Variants in DCBLD2 observed in about 807,000 individuals in gnomAD.
DCBLD2 encodes the protein discoidin, CUB and LCCL domain containing 2, also known as discoidin, CUB and LCCL domain-containing protein 2.
A neutral mutation model predicts 86.8 loss-of-function variants in DCBLD2; 54 were observed. That is an observed-to-expected ratio of 0.62 (90% CI 0.50 to 0.78). DCBLD2 has a LOEUF of 0.78. DCBLD2 is among the 30% of genes least tolerant of loss of function. DCBLD2 has a pLI of 0.00. For missense variants in DCBLD2, 908 were observed against 954.2 expected (o/e 0.95, Z 0.64); for synonymous variants, 354 against 341.3 (o/e 1.04, Z -0.41).
At chr3:98,800,448 T>C (rs1408841740) in intron 15 of DCBLD2, 131 bp downstream of exon 15, 3 of 1,024,754 alleles carry the variant, frequency 2.9e-6, no homozygotes, top group East Asian at 2.5e-5. Flanking sequence ...AAAAAAGTGG[T>C]TCTACCTTTA....
chr3:98,851,229 T>C (rs1021476126), intron 2 of DCBLD2, among the ~76,000 whole-genome samples: 2 of 152,182 alleles, frequency 1.3e-5, no homozygotes, highest in Non-Finnish European at 2.9e-5. Context: ...CTTAAGCTGA[T>C]AGACAACTTC....
At chr3:98,885,954 T>C (rs1943554791) in intron 1 of DCBLD2, among the ~76,000 whole-genome samples, 1 of 151,286 alleles carries the variant, frequency 6.6e-6, no homozygotes, top group Non-Finnish European at 1.5e-5. Flanking sequence ...GCACAGGAGG[T>C]CCCTCAGAAC....
At chr3:98,854,410 T>A (rs1942896449) in intron 2 of DCBLD2, among the ~76,000 whole-genome samples, 1 of 152,160 alleles carries the variant, frequency 6.6e-6, no homozygotes, top group Non-Finnish European at 1.5e-5. Flanking sequence ...CCCATAATCA[T>A]TTCTCTTATA....
At chr3:98,844,524 G>A (rs969076285) in intron 3 of DCBLD2, among the ~76,000 whole-genome samples, 1 of 151,928 alleles carries the variant, frequency 6.6e-6, no homozygotes, top group African/African-American at 2.4e-5. Flanking sequence ...ACCACGCCCG[G>A]CTAATTTTTT....
intron 3 of DCBLD2, among the ~76,000 whole-genome samples, chr3:98,835,921 T>TTTTC (rs1942433066): frequency 1.2e-5 from 1 of 84,520 alleles, no homozygotes; most frequent in Non-Finnish European, 2.3e-5. Flanking sequence ...TTTCTTTCTT[T>TTTTC]CTTCCTTCCT....
intron 1 of DCBLD2, among the ~76,000 whole-genome samples, chr3:98,886,808 C>CCG (rs1414468381): frequency 2.4e-5 from 3 of 125,274 alleles, no homozygotes; most frequent in African/African-American, 3.0e-5. Context: ...AAACCCCCCC[C>CCG]CTTTTTTTTT....
intron 13 of DCBLD2, among the ~76,000 whole-genome samples, chr3:98,802,491 C>A (rs141268605): frequency 1.3e-3 from 203 of 152,116 alleles, no homozygotes; most frequent in African/African-American, 4.7e-3. Flanking sequence ...AAATTTTCTC[C>A]CATTCTGTAG....
At chr3:98,838,573 A>G (rs1368263001) in intron 3 of DCBLD2, among the ~76,000 whole-genome samples, 3 of 147,134 alleles carry the variant, frequency 2.0e-5, no homozygotes, top group Admixed American at 1.3e-4. Context: ...CTGGGCAGCC[A>G]GGCAGAGGGG....
intron 2 of DCBLD2, among the ~76,000 whole-genome samples, chr3:98,862,007 T>G (rs1943053317): frequency 6.7e-6 from 1 of 149,896 alleles, no homozygotes; most frequent in Admixed American, 6.7e-5. Context: ...GAGAGAAGAA[T>G]CAAATAGACG....
chr3:98,801,297 C>T (rs1272558263), intron 14 of DCBLD2: 2 of 350,662 alleles, frequency 5.7e-6, no homozygotes, highest in Non-Finnish European at 1.0e-5. Context: ...TCAGTGTTCA[C>T]GTGGGCCACA....
intron 2 of DCBLD2, among the ~76,000 whole-genome samples, chr3:98,853,199 C>T (rs1446564459): frequency 2.6e-5 from 4 of 152,308 alleles, no homozygotes; most frequent in East Asian, 1.9e-4. Flanking sequence ...AATTAGCCCA[C>T]AGGCCTCTTG....
chr3:98,896,471 ATTT>A (rs918886085), intron 1 of DCBLD2, among the ~76,000 whole-genome samples: 17 of 152,186 alleles, frequency 1.1e-4, no homozygotes, highest in Non-Finnish European at 1.9e-4. Flanking sequence ...GCATTTTGAA[ATTT>A]TTGTTTTACT....
At chr3:98,893,947 T>A (rs1306840000) in intron 1 of DCBLD2, among the ~76,000 whole-genome samples, 1 of 152,200 alleles carries the variant, frequency 6.6e-6, no homozygotes, top group Admixed American at 6.5e-5. Context: ...CCAGACCTCA[T>A]TTGTGGCAGA....
intron 2 of DCBLD2, among the ~76,000 whole-genome samples, chr3:98,870,183 G>T (rs1943233508): frequency 6.6e-6 from 1 of 152,154 alleles, no homozygotes; most frequent in Non-Finnish European, 1.5e-5. Flanking sequence ...CAGCACCACT[G>T]AATGAATAGG....
chr3:98,810,094 T>C (rs1211753551), intron 12 of DCBLD2, among the ~76,000 whole-genome samples: 1 of 152,226 alleles, frequency 6.6e-6, no homozygotes, highest in Non-Finnish European at 1.5e-5. Flanking sequence ...GGGATCCTAA[T>C]TCTGGAAGGA....
rs776703769 is a variant in DCBLD2 at position 98,812,316 on chromosome 3, C to T, written c.1363+16G>A. The T allele has an allele frequency of 7.3e-5, 117 of 1,611,320 alleles. 1 individual carries two copies. In the Middle Eastern group the frequency reaches 8.2e-4, roughly 11 times the overall value. On this transcript the variant is annotated intron_variant, in intron 10 of 15. Transcript: ENST00000326840. Reference sequence around the variant, plus strand: ...CAATCCAGTAAAAACATATCTTAAACGAACTGTCTCTTTACCTTTAGGAAT... The same window carrying T: ...CAATCCAGTAAAAACATATCTTAAATGAACTGTCTCTTTACCTTTAGGAAT...
intron 12 of DCBLD2, among the ~76,000 whole-genome samples, chr3:98,808,901 T>C (rs1436352412): frequency 2.0e-5 from 3 of 151,758 alleles, no homozygotes; most frequent in Admixed American, 1.3e-4. Context: ...TGCGTAAGAG[T>C]GAAAAATTGG....
chr3:98,890,123 T>C (rs1324879086), intron 1 of DCBLD2, among the ~76,000 whole-genome samples: 3 of 152,058 alleles, frequency 2.0e-5, no homozygotes, highest in Non-Finnish European at 2.9e-5. Flanking sequence ...AAAAGACACA[T>C]GTTCAAGTCC....
At chr3:98,828,922 T>A (rs1269081540) in intron 3 of DCBLD2, among the ~76,000 whole-genome samples, 2 of 152,186 alleles carry the variant, frequency 1.3e-5, no homozygotes, top group Admixed American at 1.3e-4. Context: ...GACCACATAC[T>A]ATGTGATACA....
Sources: allele counts gnomAD v4.1 joint callset (sites outside exome capture counted in the v4.1 genomes callset), GRCh38; gene constraint gnomAD v4.1.1; transcripts MANE v1.5; gene names NCBI Gene and HGNC (gene_info 2026-07-23, HGNC 2026-07-21).